The following ATP2B2 variants were observed in gnomAD, a reference collection of about 807,000 sequenced individuals.
The protein encoded by ATP2B2 is plasma membrane calcium-transporting ATPase 2.
Under a neutral mutation model 120.0 loss-of-function variants are expected in ATP2B2, and 15 were observed. The ratio of observed to expected loss-of-function variants is 0.12; its 90% CI spans 0.08 to 0.19. The LOEUF (loss-of-function observed/expected upper bound fraction) is 0.19, where lower values mean the gene tolerates loss of function less well. Ranked by LOEUF, ATP2B2 falls within the 10% of genes least tolerant of loss-of-function variation. The probability of loss-of-function intolerance (pLI) is 1.00; values close to 1 mark genes in which losing one functional copy is unlikely to be tolerated. For synonymous variants in ATP2B2, 694 were observed against 700.3 expected, an observed-to-expected ratio of 0.99 and a Z score of 0.14; for missense variants, 1,045 against 1,719.8, an observed-to-expected ratio of 0.61 and a Z score of 6.94.
intron 1 of ATP2B2, among the ~76,000 whole-genome samples, chr3:10,450,739 G>A (rs2064011116): frequency 6.6e-6 from 1 of 152,200 alleles, no homozygotes; most frequent in African/African-American, 2.4e-5. Context: ...TGGAGCCCAG[G>A]AGGAGGTGGG....
chr3:10,604,521 G>A (rs1262311482), intron 2 of ATP2B2, among the ~76,000 whole-genome samples: 1 of 152,178 alleles, frequency 6.6e-6, no homozygotes, highest in Non-Finnish European at 1.5e-5. Flanking sequence ...CACAGAGTCT[G>A]GAATCCATAG....
At chr3:10,403,180 A>AGCTCCT (rs1424146914) in intron 3 of ATP2B2, among the ~76,000 whole-genome samples, 3 of 152,142 alleles carry the variant, frequency 2.0e-5, no homozygotes, top group Non-Finnish European at 4.4e-5. Context: ...ACTCAGGGAG[A>AGCTCCT]GGAAGGTGGA....
At chr3:10,378,645 A>T (rs1357961146) in intron 9 of ATP2B2, among the ~76,000 whole-genome samples, 1 of 152,174 alleles carries the variant, frequency 6.6e-6, no homozygotes, top group Non-Finnish European at 1.5e-5. Flanking sequence ...TCTGGGACAC[A>T]GCAGGGACTG....
At chr3:10,361,092 T>A (rs769152924) in intron 12 of ATP2B2, among the ~76,000 whole-genome samples, 5 of 152,226 alleles carry the variant, frequency 3.3e-5, no homozygotes, top group Non-Finnish European at 7.3e-5. Context: ...GTGCTGATAA[T>A]CTGTTCCTTT....
intron 1 of ATP2B2, among the ~76,000 whole-genome samples, chr3:10,707,635 G>A (rs2071916797): frequency 6.6e-6 from 1 of 152,098 alleles, no homozygotes; most frequent in African/African-American, 2.4e-5. Flanking sequence ...GCAGGCGCAA[G>A]GCGCGCCCCC....
intron 1 of ATP2B2, among the ~76,000 whole-genome samples, chr3:10,636,897 G>T (rs1360498659): frequency 6.6e-6 from 1 of 152,186 alleles, no homozygotes; most frequent in Admixed American, 6.5e-5. Context: ...TCAGCTAAGT[G>T]CTAATCAGGG....
intron 2 of ATP2B2, among the ~76,000 whole-genome samples, chr3:10,540,491 T>A (rs2125494104): frequency 6.6e-6 from 1 of 152,190 alleles, no homozygotes; most frequent in Non-Finnish European, 1.5e-5. Flanking sequence ...AATGATAGAC[T>A]GGATTAAGAA....
At chr3:10,514,928 C>A (rs781484703) in intron 3 of ATP2B2, among the ~76,000 whole-genome samples, 1 of 152,208 alleles carries the variant, frequency 6.6e-6, no homozygotes, top group African/African-American at 2.4e-5. Flanking sequence ...GCAAGACAGC[C>A]GCAGTGGGCC....
chr3:10,609,292 G>A (rs148120937), intron 2 of ATP2B2, among the ~76,000 whole-genome samples: 1 of 148,896 alleles, frequency 6.7e-6, no homozygotes, highest in African/African-American at 2.4e-5. Context: ...GCAGGGAGCT[G>A]TCTGGAACTC....
At chr3:10,479,790 G>A (rs1481971495) in intron 1 of ATP2B2, among the ~76,000 whole-genome samples, 2 of 152,124 alleles carry the variant, frequency 1.3e-5, no homozygotes, top group Non-Finnish European at 2.9e-5. Context: ...AGGCTAATTT[G>A]CATTGAATAA....
chr3:10,579,084 G>A (rs1327678442), intron 2 of ATP2B2, among the ~76,000 whole-genome samples: 2 of 152,200 alleles, frequency 1.3e-5, no homozygotes, highest in Non-Finnish European at 2.9e-5. Flanking sequence ...GAAAGATTAA[G>A]CCATGTGGGA....
At chr3:10,619,292 T>A (rs1466696293) in intron 2 of ATP2B2, among the ~76,000 whole-genome samples, 1 of 152,128 alleles carries the variant, frequency 6.6e-6, no homozygotes, top group Non-Finnish European at 1.5e-5. Flanking sequence ...GGCCAAAGAC[T>A]GTGGTCCCAG....
At chr3:10,531,975 G>A (rs932978500) in intron 3 of ATP2B2, among the ~76,000 whole-genome samples, 21 of 151,950 alleles carry the variant, frequency 1.4e-4, no homozygotes, top group African/African-American at 5.1e-4. Flanking sequence ...GTCCTCCTTG[G>A]ATTCTCCCCG....
intron 2 of ATP2B2, among the ~76,000 whole-genome samples, chr3:10,556,306 C>T (rs1343050818): frequency 1.3e-5 from 2 of 152,200 alleles, no homozygotes; most frequent in Non-Finnish European, 2.9e-5. Flanking sequence ...TACTGAGCAC[C>T]TAGTAGGTAT....
At chr3:10,349,727 T>C (rs961780166) in intron 16 of ATP2B2, among the ~76,000 whole-genome samples, 1 of 151,916 alleles carries the variant, frequency 6.6e-6, no homozygotes, top group Non-Finnish European at 1.5e-5. Context: ...CAAGCAGCAG[T>C]AAGGACTATG....
At position 10,597,648 on chromosome 3, in the gene ATP2B2, C is replaced by T. The variant is rs558043881; in HGVS notation, c.-415+22269G>A. 3.3e-5 allele frequency among the ~76,000 whole-genome samples: 5 copies of T among 152,312 alleles called. 1 individual carries two copies. The highest frequency in any genetic ancestry group is 1.2e-4 in the African/African-American group (5 of 41,566). ...TCAGAATGTCAGGTCTGGAGCCAGA[C>T]TTAGTGGGTTTGAATCTCGGTTCTA... On this transcript the variant is annotated intron_variant, in intron 2 of 21. Coordinates refer to the ATP2B2 transcript ENST00000646379.
chr3:10,503,019 C>T (rs889828934), intron 1 of ATP2B2, among the ~76,000 whole-genome samples: 2 of 152,188 alleles, frequency 1.3e-5, no homozygotes, highest in African/African-American at 4.8e-5. Context: ...ATGATACGTG[C>T]AAAGCAGTTA....
chr3:10,484,160 G>A (rs979090324), intron 1 of ATP2B2, among the ~76,000 whole-genome samples: 2 of 152,186 alleles, frequency 1.3e-5, no homozygotes, highest in Non-Finnish European at 2.9e-5. Context: ...GGTTTCCCAA[G>A]GTCCCTGGGG....
At chr3:10,574,213 T>C (rs1237103459) in intron 2 of ATP2B2, among the ~76,000 whole-genome samples, 2 of 152,198 alleles carry the variant, frequency 1.3e-5, no homozygotes, top group African/African-American at 2.4e-5. Context: ...CTCCCTCCGA[T>C]GCCCGCTGAG....
Sources: allele counts gnomAD v4.1 joint callset (sites outside exome capture counted in the v4.1 genomes callset), GRCh38; gene constraint gnomAD v4.1.1; transcripts MANE v1.5; gene names NCBI Gene and HGNC (gene_info 2026-07-23, HGNC 2026-07-21).